The following ARHGAP18 variants were observed in gnomAD, a reference collection of about 807,000 sequenced individuals.
ARHGAP18 encodes Rho GTPase activating protein 18, also known as rho GTPase-activating protein 18.
ARHGAP18 carries 67 observed loss-of-function variants against 86.2 expected under a neutral mutation model. The ratio of observed to expected loss-of-function variants is 0.78; its 90% confidence interval spans 0.64 to 0.95. The LOEUF (loss-of-function observed/expected upper bound fraction) is 0.95. Among genes scored for constraint, ARHGAP18 ranks in the 40% least tolerant of loss-of-function variants. The probability of loss-of-function intolerance (pLI) is 0.00; values close to 1 mark genes in which losing one functional copy is unlikely to be tolerated. For missense variants in ARHGAP18, 691 were observed against 780.4 expected (o/e 0.89, Z 1.37); for synonymous variants, 283 against 280.4 (o/e 1.01, Z -0.09).
intron 1 of ARHGAP18, among the ~76,000 whole-genome samples, chr6:129,658,539 G>A (rs1020343210): frequency 5.3e-5 from 8 of 152,154 alleles, no homozygotes; most frequent in Non-Finnish European, 8.8e-5. Flanking sequence ...AGCAAAATTA[G>A]TGAGAAACTG....
At chr6:129,670,507 G>A (rs148127078) in intron 1 of ARHGAP18, among the ~76,000 whole-genome samples, 2 of 152,152 alleles carry the variant, frequency 1.3e-5, no homozygotes, top group Non-Finnish European at 2.9e-5. Flanking sequence ...CATTCTGGTA[G>A]AGAATATTCA....
At chr6:129,599,040 A>G in intron 12 of ARHGAP18, 176 bp downstream of exon 12, 3 of 507,552 alleles carry the variant, frequency 5.9e-6, no homozygotes, top group Non-Finnish European at 6.5e-6. Context: ...CCAACTGTCA[A>G]TACTGATCAT....
intron 1 of ARHGAP18, among the ~76,000 whole-genome samples, chr6:129,703,213 G>A (rs1180869912): frequency 2.0e-5 from 3 of 152,142 alleles, no homozygotes; most frequent in African/African-American, 7.2e-5. Flanking sequence ...CAGATAATTT[G>A]TTCTGGCAAT....
chr6:129,619,013 T>C (rs996632874), intron 5 of ARHGAP18, among the ~76,000 whole-genome samples, 161 bp from the exon 6 acceptor site: 1 of 151,644 alleles, frequency 6.6e-6, no homozygotes, highest in Non-Finnish European at 1.5e-5. Flanking sequence ...CCTGTCATGA[T>C]GACGACCCCT....
Position 129,607,887 on chromosome 6 carries a change from A to G in ARHGAP18, c.1282+6T>C, listed in dbSNP as rs1481231419. ...AAGGACTGCTTCAAAGAGGGATAGC[A>G]CTTACTCTGGACAGCCTGAAAGGCT... On this transcript the variant is annotated splice_donor_region_variant and intron_variant, in intron 9 of 14. Coordinates refer to ENST00000368149, the MANE Select transcript of ARHGAP18 (RefSeq NM_033515.3). The G allele has an allele frequency of 3.1e-6, 5 of 1,592,328 alleles. No individual in the cohort carries two copies. Among genetic ancestry groups the G allele is most frequent in the Non-Finnish European group, 4.3e-6 (5 of 1,173,388 alleles).
chr6:129,628,560 C>A (rs9385504), intron 5 of ARHGAP18, among the ~76,000 whole-genome samples: 1 of 151,984 alleles, frequency 6.6e-6, no homozygotes, highest in Admixed American at 6.6e-5. Context: ...AAGTTGGTGA[C>A]CAAACTTCTA....
intron 1 of ARHGAP18, among the ~76,000 whole-genome samples, chr6:129,670,025 A>G (rs1251478513): frequency 6.6e-6 from 1 of 152,194 alleles, no homozygotes; most frequent in Non-Finnish European, 1.5e-5. Flanking sequence ...AATTACATCA[A>G]CTTTGTATCT....
intron 2 of ARHGAP18, among the ~76,000 whole-genome samples, chr6:129,641,283 T>C (rs1773458868): frequency 6.6e-6 from 1 of 152,210 alleles, no homozygotes; most frequent in Admixed American, 6.5e-5. Context: ...TTCTCAAGTA[T>C]ATGAAAGGCT....
At chr6:129,622,645 G>C (rs1789253258) in intron 5 of ARHGAP18, among the ~76,000 whole-genome samples, 1 of 152,046 alleles carries the variant, frequency 6.6e-6, no homozygotes, top group Non-Finnish European at 1.5e-5. Context: ...CAGTTCATTG[G>C]CTAAGAGAAA....
chr6:129,679,569 G>T (rs879711538), intron 1 of ARHGAP18, among the ~76,000 whole-genome samples: 3 of 152,174 alleles, frequency 2.0e-5, no homozygotes, highest in Non-Finnish European at 4.4e-5. Context: ...CACATGACAC[G>T]ATTAGAGGGC....
At chr6:129,680,685 C>T (rs1483309506) in intron 1 of ARHGAP18, among the ~76,000 whole-genome samples, 2 of 152,234 alleles carry the variant, frequency 1.3e-5, no homozygotes, top group Non-Finnish European at 1.5e-5. Flanking sequence ...TCTGGTGGTA[C>T]CCTGGAGCCA....
chr6:129,690,141 G>GTT (rs1774500623), intron 1 of ARHGAP18, among the ~76,000 whole-genome samples: 1 of 151,910 alleles, frequency 6.6e-6, no homozygotes, highest in Non-Finnish European at 1.5e-5. Context: ...GTGTGTGTGT[G>GTT]TGTATGTGGT....
At chr6:129,633,423 A>G (rs1773260169) in intron 4 of ARHGAP18, among the ~76,000 whole-genome samples, 1 of 140,090 alleles carries the variant, frequency 7.1e-6, no homozygotes, top group Non-Finnish European at 1.5e-5. Flanking sequence ...AGACAGAGCA[A>G]GACTCCACCT....
intron 1 of ARHGAP18, among the ~76,000 whole-genome samples, chr6:129,666,788 G>A (rs1179884836): frequency 6.6e-6 from 1 of 152,194 alleles, no homozygotes; most frequent in Non-Finnish European, 1.5e-5. Context: ...CCACATCCTG[G>A]TTTACTAAAC....
rs192242801 is a variant in ARHGAP18, at chr6:129,631,217, G to C, written c.617-1695C>G. Among the ~76,000 whole-genome samples, 51 of 152,240 alleles carry C rather than the reference G, an allele frequency of 3.3e-4. No homozygotes were observed. The East Asian group carries it at 9.1e-3, about 27-fold the overall frequency. On this transcript the variant is annotated intron_variant, in intron 4 of 14. Coordinates refer to ENST00000368149, the MANE Select transcript of ARHGAP18 (RefSeq NM_033515.3). Reference sequence around the variant, plus strand: ...TAGAAGCTACCTTTCTAGCAGCTGAGTAGTTGTGGGCAAGAATTTCAAAAC... The same window carrying C: ...TAGAAGCTACCTTTCTAGCAGCTGACTAGTTGTGGGCAAGAATTTCAAAAC...
chr6:129,602,848 G>A (rs1007153684), intron 10 of ARHGAP18, among the ~76,000 whole-genome samples: 5 of 152,004 alleles, frequency 3.3e-5, no homozygotes, highest in African/African-American at 7.2e-5. Flanking sequence ...GTGTGCATAT[G>A]TAATAACGTT....
At chr6:129,583,631 A>G (rs191315514) in intron 13 of ARHGAP18, among the ~76,000 whole-genome samples, 1 of 152,156 alleles carries the variant, frequency 6.6e-6, no homozygotes, top group East Asian at 1.9e-4. Flanking sequence ...CTAATTAGTA[A>G]TTTTCCTTAC....
chr6:129,625,977 T>A (rs1490496123), intron 5 of ARHGAP18, among the ~76,000 whole-genome samples: 1 of 105,678 alleles, frequency 9.5e-6, no homozygotes, highest in Admixed American at 1.5e-4. Flanking sequence ...ATATTATATA[T>A]ATTTATATTA....
At chr6:129,639,045 A>G (rs1032641830) in intron 2 of ARHGAP18, among the ~76,000 whole-genome samples, 1 of 152,218 alleles carries the variant, frequency 6.6e-6, no homozygotes, top group Non-Finnish European at 1.5e-5. Context: ...ACACTAATTT[A>G]TGGAAAGCCT....
Sources: allele counts gnomAD v4.1 joint callset (sites outside exome capture counted in the v4.1 genomes callset), GRCh38; gene constraint gnomAD v4.1.1; transcripts MANE v1.5; gene names NCBI Gene and HGNC (gene_info 2026-07-23, HGNC 2026-07-21).